The following RASSF8 variants were observed in gnomAD, a reference collection of about 807,000 sequenced individuals.
RASSF8 encodes ras association domain-containing protein 8.
Under a neutral mutation model 48.5 loss-of-function variants are expected in RASSF8, and 22 were observed. The ratio of observed to expected loss-of-function variants is 0.45; its 90% CI spans 0.32 to 0.65. The LOEUF (loss-of-function observed/expected upper bound fraction) is 0.65, where lower values mean the gene tolerates loss of function less well. Among genes scored for constraint, RASSF8 ranks in the 30% least tolerant of loss-of-function variants. The pLI is 0.03. For missense variants in RASSF8, 418 were observed against 489.2 expected, an observed-to-expected ratio of 0.85 and a Z score of 1.37; for synonymous variants, 127 against 171.5, an observed-to-expected ratio of 0.74 and a Z score of 2.03.
rs556444839 is a variant in RASSF8, at chr12:26,037,925, G to C, written c.-108-17311G>C. Among the ~76,000 whole-genome samples the C allele has an allele frequency of 5.9e-5, 9 of 152,324 alleles. No homozygotes were observed. In the South Asian group the frequency reaches 1.4e-3, roughly 25 times the overall value. On this transcript the variant is annotated intron_variant, in intron 2 of 5. Transcript: ENST00000689635. ...GTGTGAAACAATTTAAAGGTGGAGA[G>C]AGGGAGAAAAGCAGGTATGTATTAA...
At chr12:25,978,824 A>G (rs1941670758) in intron 1 of RASSF8, among the ~76,000 whole-genome samples, 1 of 152,166 alleles carries the variant, frequency 6.6e-6, no homozygotes, top group Non-Finnish European at 1.5e-5. Flanking sequence ...TAGCACAGTA[A>G]TAAAAATGAG....
At position 26,032,988 on chromosome 12, in the gene RASSF8, G is replaced by A. The variant is rs143832549; in HGVS notation, c.-108-22248G>A. Among the ~76,000 whole-genome samples the A allele has an allele frequency of 1.5e-3, 230 of 152,328 alleles. 2 individuals are homozygous for A. The highest frequency in any genetic ancestry group is 0.015 in the East Asian group (76 of 5,194). On this transcript the variant is annotated intron_variant, in intron 2 of 5. Coordinates refer to ENST00000689635, the MANE Select transcript of RASSF8 (RefSeq NM_001394098.1). ...AGAGCTTCCTACCCACAGAGGTCCT[G>A]CAGAGAGCAATGTATGCTGTGATCT...
intron 1 of RASSF8, among the ~76,000 whole-genome samples, chr12:25,987,038 G>A (rs897674606): frequency 1.3e-5 from 2 of 152,152 alleles, no homozygotes; most frequent in East Asian, 1.9e-4. Context: ...GGGTTCAAGC[G>A]ATTCTCGTGC....
rs150276538 is a variant in RASSF8, at chr12:25,979,018, T to C, written c.-202-16019T>C. On this transcript the variant is annotated intron_variant, in intron 1 of 5. Transcript: ENST00000689635. Reference sequence around the variant, plus strand: ...GCACATTTGAGGGAGTAGAAAAAGATACGGTAGTATGTTCACTTCTAGATG... The same window carrying C: ...GCACATTTGAGGGAGTAGAAAAAGACACGGTAGTATGTTCACTTCTAGATG... Among the ~76,000 whole-genome samples, 307 of 152,312 alleles carry C rather than the reference T, an allele frequency of 2.0e-3. 1 individual carries two copies. Among genetic ancestry groups the C allele is most frequent in the African/African-American group, 6.8e-3 (284 of 41,566 alleles).
chr12:26,066,793 A>G (rs939143474), intron 4 of RASSF8, among the ~76,000 whole-genome samples: 11 of 152,244 alleles, frequency 7.2e-5, no homozygotes, highest in African/African-American at 2.7e-4. Flanking sequence ...GGACCCACCC[A>G]GCCTGGGTAG....
At chr12:26,019,688 A>C (rs1942742870) in intron 2 of RASSF8, among the ~76,000 whole-genome samples, 1 of 152,054 alleles carries the variant, frequency 6.6e-6, no homozygotes, top group Non-Finnish European at 1.5e-5. Context: ...AAGATTTATC[A>C]CTTTGCAGAA....
At chr12:25,992,257 C>A (rs947723820) in intron 1 of RASSF8, among the ~76,000 whole-genome samples, 1 of 152,200 alleles carries the variant, frequency 6.6e-6, no homozygotes, top group African/African-American at 2.4e-5. Flanking sequence ...TGCAAAGTGT[C>A]TCTGCCCTCA....
intron 1 of RASSF8, among the ~76,000 whole-genome samples, chr12:25,978,135 T>C (rs1197243654): frequency 6.6e-6 from 1 of 152,220 alleles, no homozygotes; most frequent in Non-Finnish European, 1.5e-5. Context: ...GAAACAAAGA[T>C]GAACTCTTCT....
At position 26,069,246 on chromosome 12, in the gene RASSF8, G is replaced by A. The variant is rs148091474; in HGVS notation, c.*428G>A. ...TTGACTTATCCTGTGACTGACTTACGTTACATATTGTGTGATTATGACCGT... is the reference window on the plus strand; with the variant it reads ...TTGACTTATCCTGTGACTGACTTACATTACATATTGTGTGATTATGACCGT... On this transcript the variant is annotated 3_prime_UTR_variant, in exon 6 of 6. Coordinates refer to ENST00000689635, the MANE Select transcript of RASSF8 (RefSeq NM_001394098.1). 3.8e-3 allele frequency: 3,796 copies of A among 986,670 alleles called. 28 individuals are homozygous for A. The highest frequency in any genetic ancestry group is 0.016 in the South Asian group (338 of 21,754). The allele number at this position is 986,670 out of a possible 1,614,324, so 61.1% of individuals were successfully genotyped here. A position where few individuals can be genotyped will look rare whatever the true frequency, so the allele number is the denominator to read the frequency against.
At chr12:26,041,545 G>A (rs990254350) in intron 2 of RASSF8, among the ~76,000 whole-genome samples, 3 of 151,956 alleles carry the variant, frequency 2.0e-5, no homozygotes, top group African/African-American at 7.3e-5. Flanking sequence ...AAAGAAGTGG[G>A]GAAAACTCTG....
intron 1 of RASSF8, among the ~76,000 whole-genome samples, chr12:25,992,738 G>A (rs1449528740): frequency 1.3e-5 from 2 of 152,138 alleles, no homozygotes; most frequent in African/African-American, 2.4e-5. Flanking sequence ...GGATGTGAAG[G>A]GGTTTGTGGA....
At chr12:26,052,647 A>G (rs1943516302) in intron 2 of RASSF8, 1 of 152,214 alleles carries the variant, frequency 6.6e-6, no homozygotes, top group Non-Finnish European at 1.5e-5. Flanking sequence ...GGGGCTGGGC[A>G]TAGAACTGTT....
rs530862678 is a variant in RASSF8 at position 26,034,669 on chromosome 12, T to C, written c.-108-20567T>C. ...ACTCCTATTCCTTTTCCTCCAGCAT[T>C]TATTTCCCATATTTCGAAATTAAGG... On this transcript the variant is annotated intron_variant, in intron 2 of 5. Coordinates refer to ENST00000689635, the MANE Select transcript of RASSF8 (RefSeq NM_001394098.1). Among the ~76,000 whole-genome samples, 5 of 152,282 alleles carry C rather than the reference T, an allele frequency of 3.3e-5. No individual in the cohort carries two copies. The South Asian group carries it at 1.0e-3, about 32-fold the overall frequency.
chr12:26,043,096 T>G (rs187064102), intron 2 of RASSF8, among the ~76,000 whole-genome samples: 112 of 152,310 alleles, frequency 7.4e-4, no homozygotes, highest in Non-Finnish European at 1.1e-3. Context: ...CCAGCCACTA[T>G]GCTGAGGGGT....
chr12:25,958,631 G>A (rs1209176014), upstream of RASSF8: 4 of 145,214 alleles, frequency 2.8e-5, no homozygotes, highest in Non-Finnish European at 1.5e-5. Flanking sequence ...GAGCCGCCTG[G>A]CCGCCCGGCC....
chr12:26,028,587 C>A (rs1283624242), intron 2 of RASSF8, among the ~76,000 whole-genome samples: 1 of 152,150 alleles, frequency 6.6e-6, no homozygotes, highest in African/African-American at 2.4e-5. Flanking sequence ...AATTTTACTT[C>A]TTGCAGCTAC....
At position 25,988,180 on chromosome 12, in the gene RASSF8, A is replaced by T. The variant is rs1025942969; in HGVS notation, c.-202-6857A>T. On this transcript the variant is annotated intron_variant, in intron 1 of 5. Coordinates refer to ENST00000689635, the MANE Select transcript of RASSF8 (RefSeq NM_001394098.1). ...CTGGTCGAAATTAATGTTATTTTTT[A>T]AAAAATGAATTCCTTCCTAGCATTT... Among the ~76,000 whole-genome samples the T allele has an allele frequency of 1.2e-4, 18 of 152,190 alleles. No individual in the cohort carries two copies. The East Asian group carries it at 2.1e-3, about 18-fold the overall frequency.
At chr12:26,040,007 A>G (rs535615650) in intron 2 of RASSF8, among the ~76,000 whole-genome samples, 16 of 152,322 alleles carry the variant, frequency 1.1e-4, no homozygotes, top group Non-Finnish European at 1.9e-4. Context: ...GAATCATATC[A>G]TGTATTTAAA....
At chr12:26,049,101 C>G (rs1028050561) in intron 2 of RASSF8, among the ~76,000 whole-genome samples, 8 of 152,132 alleles carry the variant, frequency 5.3e-5, no homozygotes, top group Non-Finnish European at 1.0e-4. Flanking sequence ...GCTTAAAATC[C>G]CAAGCTAAAT....
Sources: allele counts gnomAD v4.1 joint callset (sites outside exome capture counted in the v4.1 genomes callset), GRCh38; gene constraint gnomAD v4.1.1; transcripts MANE v1.5; gene names NCBI Gene and HGNC (gene_info 2026-07-23, HGNC 2026-07-21).